The following LLGL2 variants were observed in gnomAD, a reference collection of about 807,000 sequenced individuals.
LLGL2 encodes the protein LLGL scribble cell polarity complex component 2.
Under a neutral mutation model 123.2 loss-of-function variants are expected in LLGL2, and 81 were observed. The observed-to-expected ratio is 0.66, with a 90% CI of 0.55 to 0.79. LLGL2 has a LOEUF of 0.79. LLGL2 is among the 30% of genes least tolerant of loss of function. The pLI, the probability that LLGL2 is intolerant of heterozygous loss-of-function variation, is 0.00. For synonymous variants in LLGL2, 577 were observed against 594.1 expected (o/e 0.97, Z 0.42); for missense variants, 1,273 against 1,414.6 (o/e 0.90, Z 1.61).
rs1310554000 is a variant in LLGL2 at position 75,558,398 on chromosome 17, C to G, written c.256-114C>G. Reference sequence around the variant, plus strand: ...CCTTTCCACAGCTGGGGCTCATGGGCCACCCTGGGAGTGGCCAGGGGGTCT... The same window carrying G: ...CCTTTCCACAGCTGGGGCTCATGGGGCACCCTGGGAGTGGCCAGGGGGTCT... On this transcript the variant is annotated intron_variant, in intron 4 of 25. Coordinates refer to ENST00000392550, the MANE Select transcript of LLGL2 (RefSeq NM_001031803.2). The surrounding 1 kb of genome is among the most constrained non-coding windows in gnomAD (Gnocchi z 4.0). The G allele has an allele frequency of 2.2e-5, 25 of 1,159,434 alleles. No individual in the cohort carries two copies. The highest frequency in any genetic ancestry group is 3.0e-5 in the Non-Finnish European group (25 of 824,436). The allele number at this position is 1,159,434 out of a possible 1,614,324, so 71.8% of individuals were successfully genotyped here.
rs114480869 is a variant in LLGL2, at chr17:75,540,634, T to C, written c.-30-2763T>C. On this transcript the variant is annotated intron_variant, in intron 1 of 25. Coordinates refer to ENST00000392550, the MANE Select transcript of LLGL2 (RefSeq NM_001031803.2). ...CTGCCTCTTAATTGCAAGGGTGTCA[T>C]TGGGCATCCTTTGTTCTGTATTATC... Among the ~76,000 whole-genome samples, 695 of 152,344 alleles carry C rather than the reference T, an allele frequency of 4.6e-3. 5 individuals are homozygous for C. Among genetic ancestry groups the C allele is most frequent in the African/African-American group, 0.015 (630 of 41,570 alleles).
rs959754240 is a variant in LLGL2, at chr17:75,575,131, T to C, written c.*253T>C. On this transcript the variant is annotated 3_prime_UTR_variant, in exon 26 of 26. Coordinates refer to ENST00000392550, the MANE Select transcript of LLGL2 (RefSeq NM_001031803.2). Reference sequence around the variant, plus strand: ...TTTTTATTGCTCCCATCCCTTTTTGTAGTGGGCTGGGTTTTAAGTTATAAA... The same window carrying C: ...TTTTTATTGCTCCCATCCCTTTTTGCAGTGGGCTGGGTTTTAAGTTATAAA... 1.7e-6 allele frequency: 1 copy of C among 590,882 alleles called. No homozygotes were observed. Among genetic ancestry groups the C allele is most frequent in the African/African-American group, 1.9e-5 (1 of 53,852 alleles). 36.6% of individuals were successfully genotyped at this position (590,882 alleles called of 1,614,324 possible).
chr17:75,562,930 C>A, intron 6 of LLGL2, 86 bp from the exon 7 acceptor site: 1 of 1,517,750 alleles, frequency 6.6e-7, no homozygotes, highest in Non-Finnish European at 8.9e-7. Flanking sequence ...GCCACCTCTG[C>A]ATAGGGAGCC....
At chr17:75,548,279 CTT>C (rs112381847) in intron 2 of LLGL2, among the ~76,000 whole-genome samples, 27 of 144,240 alleles carry the variant, frequency 1.9e-4, no homozygotes, top group South Asian at 2.3e-4. Context: ...TTTTTTTTTC[CTT>C]TTTTTTTTTT....
At chr17:75,563,531 A>G in intron 8 of LLGL2, 68 bp downstream of exon 8, 2 of 1,592,420 alleles carry the variant, frequency 1.3e-6, no homozygotes, top group Non-Finnish European at 1.7e-6. Flanking sequence ...AGGTTGCTCA[A>G]TTCTGAAGCA....
At position 75,556,135 on chromosome 17, in the gene LLGL2, C is replaced by T. The variant is rs371012842; in HGVS notation, c.165C>T (p.Ala55=). 9.9e-6 allele frequency: 16 copies of T among 1,609,696 alleles called. No homozygotes were observed. Among genetic ancestry groups the T allele is most frequent in the Admixed American group, 1.7e-5 (1 of 60,002 alleles). ...TGGCCATCGGCACCCGTTCTGGAGC[C>T]ATCAAGCTGTATCCTCCGTCCCCTC... is the stretch of plus-strand genomic sequence containing the variant. The part of the protein sequence containing the change: ...RILAIGTRSG[A]IKLYGAPGVE... Residue 55 remains alanine, a synonymous_variant, in exon 3 of 26, where the codon GCC becomes GCT. Coordinates refer to ENST00000392550, the MANE Select transcript of LLGL2 (RefSeq NM_001031803.2).
At position 75,559,724 on chromosome 17, in the gene LLGL2, C is replaced by T. The variant is rs995977422; in HGVS notation, c.530+314C>T. ...ATGGGTTTCAGAACCCCAGGGGCTC[C>T]GCAGCGGGGAAGTCGGGCCCAGACC... On this transcript the variant is annotated intron_variant, in intron 6 of 25. Transcript: ENST00000392550. The surrounding 1 kb of genome is among the most constrained non-coding windows in gnomAD (Gnocchi z 4.6). Among the ~76,000 whole-genome samples the T allele has an allele frequency of 5.9e-5, 9 of 152,318 alleles. No homozygotes were observed. The highest frequency in any genetic ancestry group is 3.4e-3 in the Middle Eastern group (1 of 294).
Position 75,564,234 on chromosome 17 carries a change from G to A in LLGL2, c.882-119G>A. On this transcript the variant is annotated intron_variant, in intron 9 of 25. Coordinates refer to ENST00000392550, the MANE Select transcript of LLGL2 (RefSeq NM_001031803.2). The surrounding 1 kb of genome is among the most constrained non-coding windows in gnomAD (Gnocchi z 4.9). ...GGGCTGTAGCAGTTGGAAGGAGATG[G>A]GGTCCAGTCTCCCCTGCTCCTGGGG... The A allele has an allele frequency of 6.7e-7, 1 of 1,492,944 alleles. No homozygotes were observed. Among genetic ancestry groups the A allele is most frequent in the African/African-American group, 1.4e-5 (1 of 71,750 alleles). 92.5% of individuals were successfully genotyped at this position (1,492,944 alleles called of 1,614,324 possible).
intron 7 of LLGL2, 75 bp from the exon 8 acceptor site, chr17:75,563,256 G>T: frequency 6.2e-7 from 1 of 1,604,780 alleles, no homozygotes; most frequent in African/African-American, 1.3e-5. Context: ...CTGTGCAGAG[G>T]CATGGGGTGC....
chr17:75,547,238 C>A (rs1024053440), intron 2 of LLGL2, among the ~76,000 whole-genome samples: 2 of 152,194 alleles, frequency 1.3e-5, no homozygotes, highest in South Asian at 2.1e-4. Context: ...TCTGTGATTG[C>A]GAACAGTCTC....
At chr17:75,555,743 G>A (rs1023776908) in intron 2 of LLGL2, among the ~76,000 whole-genome samples, 4 of 152,138 alleles carry the variant, frequency 2.6e-5, no homozygotes, top group Non-Finnish European at 5.9e-5. Context: ...GGCTGGGTCC[G>A]TCACCCAGGG....
intron 1 of LLGL2, among the ~76,000 whole-genome samples, chr17:75,536,074 A>C (rs1026071439): frequency 1.3e-5 from 2 of 152,218 alleles, no homozygotes; most frequent in African/African-American, 4.8e-5. Flanking sequence ...AAGGGAACAG[A>C]GCAGGGCAGA....
At chr17:75,526,309 C>T (rs2053569384) in intron 1 of LLGL2, among the ~76,000 whole-genome samples, 2 of 152,190 alleles carry the variant, frequency 1.3e-5, no homozygotes, top group Admixed American at 1.3e-4. Context: ...CTTTGTGCCT[C>T]CTAATCCCCG....
chr17:75,569,220 G>T lies in LLGL2; in HGVS notation c.1477-1G>T, dbSNP rs1164059463. The stretch of plus-strand genomic sequence containing the variant: ...CTCACAGGGCCCCTCCCCTTCTCCA[G>T]GTGGGCTCCTTTGACCCCTACAGTG... On this transcript the variant is annotated splice_acceptor_variant, in intron 13 of 25. Coordinates refer to ENST00000392550, the MANE Select transcript of LLGL2 (RefSeq NM_001031803.2). LOFTEE classifies it high-confidence loss of function. The T allele has an allele frequency of 1.2e-6, 2 of 1,613,402 alleles. No individual in the cohort carries two copies. Among genetic ancestry groups the T allele is most frequent in the East Asian group, 2.2e-5 (1 of 44,894 alleles).
rs545225069 is a variant in LLGL2 at position 75,570,130 on chromosome 17, G to A, written c.1749G>A (p.Val583=). ...CTGGCTTTCAGCCCTTCGTGTTGGTGCAGTGTCAGCCCCCGGCTGTGGTCA... is the reference window on the plus strand; with the variant it reads ...CTGGCTTTCAGCCCTTCGTGTTGGTACAGTGTCAGCCCCCGGCTGTGGTCA... ...FEPGFQPFVL[V]QCQPPAVVTS... is the part of the protein sequence containing the mutation. The change falls in exon 15 of 26, where the codon GTG becomes GTA. Residue 583 remains valine (V), a synonymous_variant. Transcript: ENST00000392550. The A allele has an allele frequency of 3.4e-5, 54 of 1,597,014 alleles. 1 individual carries two copies. The South Asian group carries it at 3.7e-4, about 11-fold the overall frequency.
intron 20 of LLGL2, 84 bp from the exon 21 acceptor site, chr17:75,573,397 G>C: frequency 6.4e-7 from 1 of 1,561,178 alleles, no homozygotes; most frequent in South Asian, 1.2e-5. Flanking sequence ...AACTGCGAGG[G>C]AGCACTAGCC....
chr17:75,557,993 T>C (rs1490346056), intron 3 of LLGL2, 162 bp from the exon 4 acceptor site: 1 of 763,488 alleles, frequency 1.3e-6, no homozygotes, highest in Admixed American at 1.8e-5. Flanking sequence ...GGCTGCTGTG[T>C]CTCCTCCCCA....
chr17:75,529,130 T>G (rs2053681862), intron 1 of LLGL2, among the ~76,000 whole-genome samples: 1 of 120,496 alleles, frequency 8.3e-6, no homozygotes, highest in East Asian at 2.2e-4. Flanking sequence ...CACTCCAGCC[T>G]GGGCAATAGA....
intron 10 of LLGL2, chr17:75,567,984 C>T (rs986296259): frequency 9.2e-6 from 7 of 763,930 alleles, no homozygotes; most frequent in Non-Finnish European, 1.1e-5. Context: ...GTTTAATCAT[C>T]CAGCGCACAT....
Sources: allele counts gnomAD v4.1 joint callset (sites outside exome capture counted in the v4.1 genomes callset), GRCh38; gene constraint gnomAD v4.1.1; non-coding constraint Gnocchi (gnomAD v3.1); transcripts MANE v1.5; gene names NCBI Gene and HGNC (gene_info 2026-07-23, HGNC 2026-07-21).